The following MCF2L2 variants were observed in gnomAD, a reference collection of about 807,000 sequenced individuals.
The protein encoded by MCF2L2 is MCF.2 cell line derived transforming sequence-like 2, also known as probable guanine nucleotide exchange factor MCF2L2.
Under a neutral mutation model 150.2 loss-of-function variants are expected in MCF2L2, and 102 were observed. That is an observed-to-expected ratio of 0.68 (90% CI 0.58 to 0.80). The LOEUF is 0.80. Ranked by LOEUF, MCF2L2 falls within the 30% of genes least tolerant of loss-of-function variation. The probability of loss-of-function intolerance (pLI) is 0.00; values close to 1 mark genes in which losing one functional copy is unlikely to be tolerated. For synonymous variants in MCF2L2, 465 were observed against 491.3 expected (o/e 0.95, Z 0.71); for missense variants, 1,256 against 1,372.8 (o/e 0.91, Z 1.34).
At chr3:183,382,313 C>T (rs1713578497) in intron 2 of MCF2L2, among the ~76,000 whole-genome samples, 1 of 152,208 alleles carries the variant, frequency 6.6e-6, no homozygotes, top group South Asian at 2.1e-4. Context: ...TCTGCCTCGG[C>T]CTCCCTAAGT....
intron 14 of MCF2L2, among the ~76,000 whole-genome samples, chr3:183,286,597 A>C (rs1464023662): frequency 1.3e-5 from 2 of 152,224 alleles, no homozygotes; most frequent in Admixed American, 6.5e-5. Context: ...TGGAATAACA[A>C]TTTCCCTGGT....
intron 5 of MCF2L2, among the ~76,000 whole-genome samples, chr3:183,330,748 T>C (rs1007870621): frequency 1.3e-5 from 2 of 152,100 alleles, no homozygotes. Context: ...TTATATTCTA[T>C]ATAGTGAAGA....
chr3:183,207,786 C>A lies in MCF2L2; in HGVS notation c.2534G>T (p.Gly845Val). Residue 845 changes from glycine (G) to valine (V), a missense_variant, in exon 23 of 30, where the codon GGC (glycine) becomes GTC (valine). Gly to Val is a moderately radical substitution (Grantham distance 109). Coordinates refer to ENST00000328913, the MANE Select transcript of MCF2L2 (RefSeq NM_015078.4). ...IGKLGKLLLH[G>V]PFSVWTIHKD... Reference sequence around the variant, plus strand: ...GTGAATTGTCCAGACGCTGAAAGGGCCGTGCAGCAACAGCTTGCCTAGTTT... The same window carrying A: ...GTGAATTGTCCAGACGCTGAAAGGGACGTGCAGCAACAGCTTGCCTAGTTT... 1 of 1,614,204 alleles carries A rather than the reference C, an allele frequency of 6.2e-7. No homozygotes were observed. Among genetic ancestry groups the A allele is most frequent in the Admixed American group, 1.7e-5 (1 of 60,020 alleles).
At chr3:183,318,900 C>A (rs1390143703) in intron 6 of MCF2L2, among the ~76,000 whole-genome samples, 1 of 152,198 alleles carries the variant, frequency 6.6e-6, no homozygotes, top group African/African-American at 2.4e-5. Flanking sequence ...CTTTTTGCTG[C>A]CGGAGGGTCT....
intron 14 of MCF2L2, among the ~76,000 whole-genome samples, chr3:183,280,003 G>A (rs1307206307): frequency 1.3e-5 from 2 of 151,920 alleles, no homozygotes; most frequent in Non-Finnish European, 2.9e-5. Context: ...CTCCAGCCTG[G>A]GCGACAGAGC....
At chr3:183,310,462 A>G in intron 9 of MCF2L2, 1 of 201,992 alleles carries the variant, frequency 5.0e-6, no homozygotes, top group Non-Finnish European at 1.0e-5. Flanking sequence ...AGATCGCGCC[A>G]TTGCACTCCA....
intron 26 of MCF2L2, among the ~76,000 whole-genome samples, chr3:183,194,842 T>A (rs533284151): frequency 1.3e-5 from 2 of 152,324 alleles, no homozygotes; most frequent in East Asian, 3.9e-4. Flanking sequence ...AGTGCAGTGA[T>A]GTGATCTAGG....
intron 10 of MCF2L2, among the ~76,000 whole-genome samples, chr3:183,302,113 G>C (rs1728880947): frequency 2.0e-5 from 3 of 152,130 alleles, no homozygotes; most frequent in Non-Finnish European, 4.4e-5. Flanking sequence ...TTTCACACAT[G>C]TTGTCACAAC....
chr3:183,292,556 TACACAC>T (rs58788215), intron 13 of MCF2L2, among the ~76,000 whole-genome samples: 2,498 of 145,564 alleles, frequency 0.017, 38 homozygotes, highest in East Asian at 0.051. Flanking sequence ...AGGGGGTATG[TACACAC>T]ACACACACAC....
chr3:183,300,819 C>T (rs112282263), intron 10 of MCF2L2, among the ~76,000 whole-genome samples: 4 of 151,996 alleles, frequency 2.6e-5, no homozygotes, highest in South Asian at 2.1e-4. Flanking sequence ...GAGTTCAAGA[C>T]GCGCCTGACC....
intron 8 of MCF2L2, 24 bp downstream of exon 8, chr3:183,311,624 G>T (rs771335638): frequency 2.5e-6 from 4 of 1,612,722 alleles, no homozygotes; most frequent in Non-Finnish European, 3.4e-6. Flanking sequence ...TCCTGAAAAG[G>T]CTGATTCCAC....
intron 22 of MCF2L2, among the ~76,000 whole-genome samples, chr3:183,213,249 A>G (rs75272210): frequency 7.7e-6 from 1 of 130,218 alleles, no homozygotes; most frequent in Non-Finnish European, 1.5e-5. Context: ...ATTGGATTTG[A>G]AAAAAAAAAA....
chr3:183,345,810 G>C (rs1251606874), intron 3 of MCF2L2, among the ~76,000 whole-genome samples: 1 of 152,134 alleles, frequency 6.6e-6, no homozygotes, highest in Non-Finnish European at 1.5e-5. Flanking sequence ...AAATAAACTA[G>C]AAAATCTAGA....
chr3:183,338,913 A>G lies in MCF2L2; in HGVS notation c.373T>C (p.Phe125Leu), dbSNP rs1730597122. Reference protein sequence around the residue: ...KASLTRIAVAFPGNLQLIFIL... With the variant: ...KASLTRIAVALPGNLQLIFIL... Reference sequence around the variant, plus strand: ...AATATGAGCTGTAAGTTTCCTGGAAATGCCACCTGCAAGCATCAGGAAAAG... The same window carrying G: ...AATATGAGCTGTAAGTTTCCTGGAAGTGCCACCTGCAAGCATCAGGAAAAG... Residue 125 changes from phenylalanine to leucine, a missense_variant, in exon 5 of 30, where the codon TTT (phenylalanine) becomes CTT (leucine). Physicochemically the swap from Phe to Leu is conservative, Grantham distance 22. Transcript: ENST00000328913. 6.3e-7 allele frequency: 1 copy of G among 1,597,534 alleles called. No homozygotes were observed. Among genetic ancestry groups the G allele is most frequent in the East Asian group, 2.2e-5 (1 of 44,642 alleles).
chr3:183,311,916 T>A, intron 7 of MCF2L2, 144 bp from the exon 8 acceptor site: 1 of 680,810 alleles, frequency 1.5e-6, no homozygotes, highest in Non-Finnish European at 2.4e-6. Flanking sequence ...TTTAATCAAT[T>A]AACTTATCCT....
At chr3:183,290,824 G>A (rs1728098038) in intron 13 of MCF2L2, among the ~76,000 whole-genome samples, 1 of 152,118 alleles carries the variant, frequency 6.6e-6, no homozygotes, top group Admixed American at 6.6e-5. Flanking sequence ...GAGCCACTGT[G>A]CCCAGCCAAT....
intron 3 of MCF2L2, among the ~76,000 whole-genome samples, chr3:183,359,612 T>C (rs1444662608): frequency 6.6e-6 from 1 of 152,238 alleles, no homozygotes; most frequent in Non-Finnish European, 1.5e-5. Flanking sequence ...AATTCAGCCA[T>C]GAACAAGGTA....
intron 20 of MCF2L2, among the ~76,000 whole-genome samples, chr3:183,221,683 A>C (rs1205051765): frequency 6.6e-6 from 1 of 152,220 alleles, no homozygotes; most frequent in Non-Finnish European, 1.5e-5. Context: ...ACAATGGGAC[A>C]TGCAGAGGAG....
intron 4 of MCF2L2, among the ~76,000 whole-genome samples, chr3:183,340,182 T>C (rs1730641330): frequency 6.6e-6 from 1 of 152,228 alleles, no homozygotes; most frequent in African/African-American, 2.4e-5. Context: ...CGCTTTGTTG[T>C]GCCAAGACGG....
Sources: gnomAD v4.1 joint callset for allele counts (sites outside exome capture counted in the v4.1 genomes callset) on GRCh38, gnomAD v4.1.1 for gene constraint, MANE v1.5 for transcripts, NCBI Gene and HGNC (gene_info 2026-07-23, HGNC 2026-07-21) for gene names.